Variants in RBSN observed in about 807,000 individuals in gnomAD.
RBSN encodes the protein rabenosyn, RAB effector, also known as rabenosyn-5.
A neutral mutation model predicts 60.5 loss-of-function variants in RBSN; 34 were observed. The ratio of observed to expected loss-of-function variants is 0.56; its 90% CI spans 0.43 to 0.75. RBSN has a LOEUF of 0.75. RBSN is among the 30% of genes least tolerant of loss of function. RBSN has a pLI of 0.00. For synonymous variants in RBSN, 322 were observed against 366.9 expected (o/e 0.88, Z 1.40); for missense variants, 845 against 986.8 (o/e 0.86, Z 1.92).
At position 15,082,410 on chromosome 3, in the gene RBSN, A is replaced by G. The variant is rs2043225859; in HGVS notation, c.797T>C (p.Ile266Thr). The G allele has an allele frequency of 1.2e-6, 2 of 1,613,836 alleles. No individual in the cohort carries two copies. The highest frequency in any genetic ancestry group is 1.1e-5 in the South Asian group (1 of 91,070). The change falls in exon 9 of 14, where the codon ATT becomes ACT. Residue 266 changes from isoleucine to threonine, a missense_variant. By Grantham distance (89) the Ile-to-Thr change is moderately conservative. Coordinates refer to ENST00000253699, the MANE Select transcript of RBSN (RefSeq NM_022340.4). The surrounding 1 kb of genome is among the most constrained non-coding windows in gnomAD (Gnocchi z 4.2). ...KDTLLKREQQ[I>T]DEKEHTPDIV... ...GTCAGGTGTGTGCTCCTTCTCATCA[A>G]TCTGCTGCTCTCTCTTGAGCAGCGT... is the stretch of plus-strand genomic sequence containing the variant.
intron 1 of RBSN, among the ~76,000 whole-genome samples, 187 bp from the exon 2 acceptor site, chr3:15,098,461 A>AC: frequency 6.5e-5 from 1 of 15,418 alleles, no homozygotes. Context: ...AAAGTAAAAA[A>AC]AATAAAAATA....
At chr3:15,080,861 A>G in intron 9 of RBSN, 59 bp from the exon 10 acceptor site, 3 of 1,353,912 alleles carry the variant, frequency 2.2e-6, no homozygotes, top group Middle Eastern at 1.8e-4. Context: ...ACCTACCCAG[A>G]AGCTAGGCTC....
chr3:15,093,777 C>T (rs1010389647), intron 4 of RBSN, among the ~76,000 whole-genome samples: 1 of 152,194 alleles, frequency 6.6e-6, no homozygotes, highest in Non-Finnish European at 1.5e-5. Context: ...TCATGGCTCA[C>T]TGCAGCTTCA....
At chr3:15,094,802 T>C (rs1250710883) in intron 4 of RBSN, among the ~76,000 whole-genome samples, 2 of 152,198 alleles carry the variant, frequency 1.3e-5, no homozygotes, top group African/African-American at 4.8e-5. Context: ...TAGGGACAAA[T>C]ATCTGATTAC....
Position 15,084,816 on chromosome 3 carries a change from G to A in RBSN, c.517C>T (p.Arg173Trp), listed in dbSNP as rs201602052. The A allele has an allele frequency of 1.3e-4, 205 of 1,614,054 alleles. No individual in the cohort carries two copies. The highest frequency in any genetic ancestry group is 1.6e-4 in the Non-Finnish European group (194 of 1,180,042). ...AGGCGGCAGTGGTGGCGGCGGTTCC[G>A]GATGCTGAACTTATTCCCACAGTCT... is the stretch of plus-strand genomic sequence containing the variant. Reference protein sequence around the residue: ...CPDCGNKFSIRNRRHHCRLCG... With the variant: ...CPDCGNKFSIWNRRHHCRLCG... The change falls in exon 8 of 14, where the codon CGG becomes TGG. Residue 173 changes from arginine (R) to tryptophan (W), a missense_variant. By Grantham distance (101) the Arg-to-Trp change is moderately radical. Coordinates refer to ENST00000253699, the MANE Select transcript of RBSN (RefSeq NM_022340.4). The surrounding 1 kb of genome is among the most constrained non-coding windows in gnomAD (Gnocchi z 4.2).
chr3:15,082,300 G>A lies in RBSN; in HGVS notation c.840+67C>T. On this transcript the variant is annotated intron_variant, in intron 9 of 13. Transcript: ENST00000253699. This position sits in a 1 kb window ranked among gnomAD's most constrained non-coding sequence, Gnocchi z 4.2. ...CCAAAGCATTCTCCAGAATCTGCAG[G>A]AGTGTACATAACAAACAGCCAAATC... 6.4e-7 allele frequency: 1 copy of A among 1,569,460 alleles called. No homozygotes were observed. The highest frequency in any genetic ancestry group is 8.7e-7 in the Non-Finnish European group (1 of 1,147,152).
chr3:15,076,861 G>A (rs570690708), intron 12 of RBSN, among the ~76,000 whole-genome samples: 17 of 152,292 alleles, frequency 1.1e-4, no homozygotes, highest in African/African-American at 4.1e-4. Flanking sequence ...ATTGTAATGG[G>A]GACATAGGAT....
Position 15,090,507 on chromosome 3 carries a change from T to C in RBSN, c.181A>G (p.Arg61Gly), listed in dbSNP as rs1159772299. 1.2e-6 allele frequency: 2 copies of C among 1,614,110 alleles called. No individual in the cohort carries two copies. Among genetic ancestry groups the C allele is most frequent in the Non-Finnish European group, 1.7e-6 (2 of 1,180,042 alleles). ...LVQKAKKAKD[R>G]LLKREGDDRA... ...TCATCCCCTTCTCGTTTCAACAACC[T>C]GTCCTTTGCTTTTTTAGCCTTCTGG... The change falls in exon 5 of 14, where the codon AGG (arginine) becomes GGG (glycine). Residue 61 changes from arginine to glycine, a missense_variant. By Grantham distance (125) the Arg-to-Gly change is moderately radical. Coordinates refer to ENST00000253699, the MANE Select transcript of RBSN (RefSeq NM_022340.4).
In RBSN at chr3:15,091,197, T is replaced by C. The variant is rs192241709; in HGVS notation, c.149-658A>G. The C allele has an allele frequency of 3.2e-4, 86 of 267,444 alleles. No individual in the cohort carries two copies. The African/African-American group carries it at 3.5e-3, about 11-fold the overall frequency. 16.6% of individuals were successfully genotyped at this position (267,444 alleles called of 1,614,324 possible). On this transcript the variant is annotated intron_variant, in intron 4 of 13. Coordinates refer to ENST00000253699, the MANE Select transcript of RBSN (RefSeq NM_022340.4). The stretch of plus-strand genomic sequence containing the variant: ...TGTACTCCAGCCTGGACAACCAGAA[T>C]GAGACCCTGTCTCAAAAAAAAAAAA...
At chr3:15,078,724 C>T (rs1167299913) in intron 10 of RBSN, among the ~76,000 whole-genome samples, 1 of 127,904 alleles carries the variant, frequency 7.8e-6, no homozygotes, top group Non-Finnish European at 1.6e-5. Context: ...CGCACCACTG[C>T]ATTCCAGCCT....
intron 10 of RBSN, among the ~76,000 whole-genome samples, chr3:15,078,779 CATATATATATATATATATAT>C (rs57572763): frequency 0.013 from 645 of 50,654 alleles, 15 homozygotes; most frequent in South Asian, 0.036. Context: ...AAAAAAAATA[CATATATATATATATATATAT>C]ATATATATAT....
At chr3:15,075,511 T>C in intron 13 of RBSN, 95 bp downstream of exon 13, 1 of 963,640 alleles carries the variant, frequency 1.0e-6, no homozygotes. Flanking sequence ...GAGGTTCTGA[T>C]TCACTACAAC....
At chr3:15,083,721 G>A (rs563787064) in intron 8 of RBSN, among the ~76,000 whole-genome samples, 7 of 152,172 alleles carry the variant, frequency 4.6e-5, no homozygotes, top group African/African-American at 1.7e-4. Flanking sequence ...TGAGCCCACA[G>A]CACTCAGCAT....
chr3:15,077,242 T>A lies in RBSN; in HGVS notation c.999-78A>T. 1.6e-6 allele frequency: 2 copies of A among 1,246,134 alleles called. No homozygotes were observed. The highest frequency in any genetic ancestry group is 2.4e-6 in the Non-Finnish European group (2 of 850,946). 77.2% of individuals were successfully genotyped at this position (1,246,134 alleles called of 1,614,324 possible). A position where few individuals can be genotyped will look rare whatever the true frequency, so the allele number is the denominator to read the frequency against. ...AGGGTGAAAAGTATAACATCTGGAG[T>A]TGCCAGGCTTTCATGCCAGGAAGGT... On this transcript the variant is annotated intron_variant, in intron 11 of 13. Transcript: ENST00000253699. This position sits in a 1 kb window ranked among gnomAD's most constrained non-coding sequence, Gnocchi z 4.4.
chr3:15,093,193 GA>G lies in RBSN; in HGVS notation c.149-2655del, dbSNP rs2043562986. On this transcript the variant is annotated intron_variant, in intron 4 of 13. Coordinates refer to ENST00000253699, the MANE Select transcript of RBSN (RefSeq NM_022340.4). ...ACTAACCATGTCATAACATTTCTAA[GA>G]ATCAAAAGACCAAATGGAGACGTAA... is the stretch of plus-strand genomic sequence containing the variant. Among the ~76,000 whole-genome samples, 9 of 152,244 alleles carry G rather than the reference GA, an allele frequency of 5.9e-5. No individual in the cohort carries two copies. The South Asian group carries it at 1.7e-3, about 28-fold the overall frequency.
At chr3:15,098,338 C>T (rs1306382721) in intron 1 of RBSN, 64 bp from the exon 2 acceptor site, 4 of 147,064 alleles carry the variant, frequency 2.7e-5, no homozygotes, top group Non-Finnish European at 4.4e-5. Flanking sequence ...GAATGAACTC[C>T]AAAATCATAT....
At chr3:15,094,947 G>A (rs1559354419) in intron 4 of RBSN, among the ~76,000 whole-genome samples, 1 of 152,182 alleles carries the variant, frequency 6.6e-6, no homozygotes, top group African/African-American at 2.4e-5. Flanking sequence ...CAGAAATGCT[G>A]CCAGCTGTGA....
Position 15,074,622 on chromosome 3 carries a change from G to C in RBSN, c.1515C>G (p.Ile505Met), listed in dbSNP as rs761802384. 5.6e-6 allele frequency: 9 copies of C among 1,614,132 alleles called. No individual in the cohort carries two copies. Among genetic ancestry groups the C allele is most frequent in the Non-Finnish European group, 7.6e-6 (9 of 1,180,046 alleles). ...CCTCAGCCTGCCTCCGGGACAGCTC[G>C]ATGGCCTTCTCTGTCTGCTGCTGGT... ...EYDQQQTEKA[I>M]ELSRRQAEEE... Residue 505 changes from isoleucine (I) to methionine (M), a missense_variant, in exon 14 of 14, where the codon ATC (isoleucine) becomes ATG (methionine). Ile to Met is a conservative substitution (Grantham distance 10, BLOSUM62 1). Transcript: ENST00000253699. This position sits in a 1 kb window ranked among gnomAD's most constrained non-coding sequence, Gnocchi z 6.4.
chr3:15,076,100 C>T (rs982951802), intron 12 of RBSN, among the ~76,000 whole-genome samples: 3 of 152,066 alleles, frequency 2.0e-5, no homozygotes, highest in African/African-American at 4.8e-5. Flanking sequence ...TATGATCTCT[C>T]TCCTTCTCTA....
Sources: gnomAD v4.1 joint callset for allele counts (sites outside exome capture counted in the v4.1 genomes callset) on GRCh38, gnomAD v4.1.1 for gene constraint, Gnocchi (gnomAD v3.1) non-coding constraint, MANE v1.5 for transcripts, NCBI Gene and HGNC (gene_info 2026-07-23, HGNC 2026-07-21) for gene names.